The following SMARCC1 variants were observed in gnomAD, a reference collection of about 807,000 sequenced individuals.
SMARCC1 encodes SWI/SNF complex subunit SMARCC1.
A neutral mutation model predicts 147.4 loss-of-function variants in SMARCC1; 43 were observed. The observed-to-expected ratio is 0.29, with a 90% confidence interval of 0.23 to 0.38. The LOEUF (loss-of-function observed/expected upper bound fraction) is 0.38. SMARCC1 is among the 10% of genes least tolerant of loss of function. The pLI is 1.00. For synonymous variants in SMARCC1, 495 were observed against 484.4 expected (o/e 1.02, Z -0.29); for missense variants, 1,119 against 1,381.1 (o/e 0.81, Z 3.01).
chr3:47,690,389 G>A (rs2033776563), intron 12 of SMARCC1, among the ~76,000 whole-genome samples: 1 of 152,114 alleles, frequency 6.6e-6, no homozygotes, highest in Admixed American at 6.5e-5. Flanking sequence ...CAAGTAAACT[G>A]GTGTCTCTGA....
intron 13 of SMARCC1, among the ~76,000 whole-genome samples, chr3:47,686,614 GA>G (rs2033726861): frequency 6.6e-6 from 1 of 151,336 alleles, no homozygotes; most frequent in African/African-American, 2.4e-5. Context: ...TACTTTTTTT[GA>G]TATTGAAATG....
intron 18 of SMARCC1, among the ~76,000 whole-genome samples, chr3:47,675,190 T>G (rs1459775001): frequency 6.6e-6 from 1 of 152,232 alleles, no homozygotes; most frequent in Non-Finnish European, 1.5e-5. Flanking sequence ...CAGTCGTTAT[T>G]AAACCTATCA....
intron 20 of SMARCC1, 74 bp from the exon 21 acceptor site, chr3:47,661,529 G>A: frequency 8.2e-7 from 1 of 1,212,846 alleles, no homozygotes; most frequent in Non-Finnish European, 1.2e-6. Context: ...ACCACCACCA[G>A]GAAACCCAAC....
intron 26 of SMARCC1, among the ~76,000 whole-genome samples, chr3:47,595,643 TTATATGCAGCATC>T (rs1480823633): frequency 6.6e-6 from 1 of 152,184 alleles, no homozygotes; most frequent in East Asian, 1.9e-4. Context: ...GAGGTACCAT[TTATATGCAGCATC>T]TATATAAATA....
intron 13 of SMARCC1, among the ~76,000 whole-genome samples, chr3:47,688,306 A>ATTTTTTTTTTTT (rs11352536): frequency 6.8e-6 from 1 of 147,194 alleles, no homozygotes; most frequent in Non-Finnish European, 1.5e-5. Flanking sequence ...AATAACTTTG[A>ATTTTTTTTTTTT]TTTTTTTTTT....
At chr3:47,752,094 A>G (rs2034636389) in intron 2 of SMARCC1, among the ~76,000 whole-genome samples, 1 of 152,148 alleles carries the variant, frequency 6.6e-6, no homozygotes, top group South Asian at 2.1e-4. Flanking sequence ...AAAAACAACA[A>G]CAACAACAAC....
intron 2 of SMARCC1, among the ~76,000 whole-genome samples, chr3:47,753,759 A>T (rs140607451): frequency 3.8e-3 from 573 of 151,246 alleles, no homozygotes; most frequent in African/African-American, 0.013. Flanking sequence ...ACAATTGGTA[A>T]AAAGAAACGT....
chr3:47,781,687 G>A lies in SMARCC1; in HGVS notation c.111C>T (p.Gly37=). ...GLAVYRRKDG[G]PATKFWESPE... The stretch of plus-strand genomic sequence containing the variant: ...GGCTCTCCCAAAACTTGGTGGCCGG[G>A]CCCCCATCCTTCCGTCGATAAACAG... Residue 37 remains glycine, a synonymous_variant, in exon 1 of 28, where the codon GGC becomes GGT. Transcript: ENST00000254480. The A allele has an allele frequency of 1.9e-6, 3 of 1,562,504 alleles. No individual in the cohort carries two copies. Among genetic ancestry groups the A allele is most frequent in the Non-Finnish European group, 8.6e-7 (1 of 1,158,206 alleles).
intron 12 of SMARCC1, among the ~76,000 whole-genome samples, chr3:47,691,833 C>T (rs1005505836): frequency 2.0e-5 from 3 of 151,998 alleles, no homozygotes; most frequent in Non-Finnish European, 2.9e-5. Context: ...AACCCCATGT[C>T]TACTAATAAT....
At chr3:47,592,440 C>G (rs56678048) in intron 26 of SMARCC1, among the ~76,000 whole-genome samples, 268 of 152,308 alleles carry the variant, frequency 1.8e-3, no homozygotes, top group African/African-American at 6.2e-3. Context: ...TTGATATCCT[C>G]CTCCAACCAT....
chr3:47,690,604 A>T (rs1394883251), intron 12 of SMARCC1, among the ~76,000 whole-genome samples: 1 of 152,242 alleles, frequency 6.6e-6, no homozygotes, highest in Non-Finnish European at 1.5e-5. Flanking sequence ...CATTGGCAGG[A>T]AAGTAAGACC....
At chr3:47,724,501 G>C (rs1039919110) in intron 6 of SMARCC1, among the ~76,000 whole-genome samples, 1 of 152,190 alleles carries the variant, frequency 6.6e-6, no homozygotes, top group Non-Finnish European at 1.5e-5. Flanking sequence ...CATGAGCTAC[G>C]TGCAGCCAAG....
chr3:47,604,554 C>G (rs750286028), intron 26 of SMARCC1: 1 of 318,442 alleles, frequency 3.1e-6, no homozygotes, highest in Non-Finnish European at 6.2e-6. Flanking sequence ...ATTCTGGCCC[C>G]AAAATGCTAC....
intron 6 of SMARCC1, among the ~76,000 whole-genome samples, chr3:47,723,066 GAGTT>G (rs780021275): frequency 1.3e-5 from 2 of 152,298 alleles, no homozygotes. Flanking sequence ...TGGTGTGTGA[GAGTT>G]AGATAAGGAG....
At chr3:47,707,699 C>T (rs970931829) in intron 9 of SMARCC1, among the ~76,000 whole-genome samples, 7 of 152,142 alleles carry the variant, frequency 4.6e-5, no homozygotes, top group Admixed American at 4.6e-4. Flanking sequence ...CATAGTAAGA[C>T]CTTGTCTCTA....
At chr3:47,678,632 C>A (rs1006765491) in intron 15 of SMARCC1, among the ~76,000 whole-genome samples, 1 of 152,210 alleles carries the variant, frequency 6.6e-6, no homozygotes, top group African/African-American at 2.4e-5. Context: ...CTATCTGCCT[C>A]ACTACCACAT....
intron 6 of SMARCC1, among the ~76,000 whole-genome samples, chr3:47,723,751 A>G (rs2034264874): frequency 6.6e-6 from 1 of 152,110 alleles, no homozygotes; most frequent in Non-Finnish European, 1.5e-5. Context: ...TGGAGGTTGC[A>G]GCGAGCGGAG....
chr3:47,773,057 G>A (rs935882532), intron 1 of SMARCC1, 121 bp from the exon 2 acceptor site: 5 of 778,442 alleles, frequency 6.4e-6, no homozygotes, highest in Non-Finnish European at 1.0e-5. Flanking sequence ...TCTGAGACAC[G>A]CTCTGTGCTA....
intron 14 of SMARCC1, among the ~76,000 whole-genome samples, chr3:47,682,188 G>C (rs900342216): frequency 2.0e-5 from 3 of 151,524 alleles, no homozygotes; most frequent in Non-Finnish European, 4.4e-5. Flanking sequence ...CCAGCTACTC[G>C]GGAGGCTGAG....
Sources: gnomAD v4.1 joint callset for allele counts (sites outside exome capture counted in the v4.1 genomes callset) on GRCh38, gnomAD v4.1.1 for gene constraint, MANE v1.5 for transcripts, NCBI Gene and HGNC (gene_info 2026-07-23, HGNC 2026-07-21) for gene names.